The following TPST1 variants were observed in gnomAD, a reference collection of about 807,000 sequenced individuals.
TPST1 encodes the protein tyrosylprotein sulfotransferase 1.
A neutral mutation model predicts 34.8 loss-of-function variants in TPST1; 20 were observed. The observed-to-expected ratio is 0.57, with a 90% CI of 0.40 to 0.84. The LOEUF (loss-of-function observed/expected upper bound fraction) is 0.84, where lower values mean the gene tolerates loss of function less well. TPST1 is among the 40% of genes least tolerant of loss of function. TPST1 has a pLI of 0.00. For missense variants in TPST1, 353 were observed against 455.5 expected, an observed-to-expected ratio of 0.78 and a Z score of 2.05; for synonymous variants, 152 against 159.4, an observed-to-expected ratio of 0.95 and a Z score of 0.35.
chr7:66,222,062 A>C (rs984579320), intron 1 of TPST1, among the ~76,000 whole-genome samples: 2 of 152,192 alleles, frequency 1.3e-5, no homozygotes, highest in African/African-American at 4.8e-5. Context: ...TTTAAGAAAG[A>C]TATCACTAGT....
chr7:66,322,788 T>C (rs1243304831), intron 3 of TPST1, among the ~76,000 whole-genome samples: 6 of 152,212 alleles, frequency 3.9e-5, no homozygotes, highest in Non-Finnish European at 7.3e-5. Context: ...TTTTTTATTT[T>C]TTCAGGAAGC....
intron 1 of TPST1, among the ~76,000 whole-genome samples, chr7:66,212,616 G>C (rs12534500): frequency 0.66 from 100,707 of 151,658 alleles, 33,846 homozygotes; most frequent in African/African-American, 0.76. Context: ...CCCGCTACCA[G>C]GCCCAGCTAA....
intron 3 of TPST1, among the ~76,000 whole-genome samples, chr7:66,305,524 A>C (rs562601847): frequency 4.6e-5 from 7 of 151,972 alleles, no homozygotes; most frequent in Admixed American, 2.6e-4. Context: ...TTTTTTTCCC[A>C]TTGTGTATTT....
chr7:66,352,902 G>A (rs1172008318), intron 4 of TPST1: 1 of 985,400 alleles, frequency 1.0e-6, no homozygotes, highest in Non-Finnish European at 1.2e-6. Flanking sequence ...AATGTTCAGC[G>A]ACCCTCTCTG....
chr7:66,218,311 C>A (rs1789467726), intron 1 of TPST1, among the ~76,000 whole-genome samples: 1 of 152,052 alleles, frequency 6.6e-6, no homozygotes, highest in African/African-American at 2.4e-5. Context: ...TTTATCATGG[C>A]ATATATGGTT....
At chr7:66,278,100 C>CAAAAAAAAAA (rs35654351) in intron 2 of TPST1, among the ~76,000 whole-genome samples, 8 of 50,244 alleles carry the variant, frequency 1.6e-4, no homozygotes, top group East Asian at 1.7e-3. Flanking sequence ...GACTCCATCT[C>CAAAAAAAAAA]AAAAAAAAAA....
chr7:66,221,793 G>A (rs1049196045), intron 1 of TPST1, among the ~76,000 whole-genome samples: 2 of 152,118 alleles, frequency 1.3e-5, no homozygotes, highest in African/African-American at 2.4e-5. Flanking sequence ...ATTACTGTTA[G>A]TATTCTAACA....
intron 1 of TPST1, among the ~76,000 whole-genome samples, chr7:66,217,132 T>A (rs772452095): frequency 2.6e-5 from 4 of 152,226 alleles, no homozygotes; most frequent in Non-Finnish European, 4.4e-5. Context: ...CTAGAGAAAG[T>A]TCCATGTCAT....
At position 66,352,557 on chromosome 7, in the gene TPST1, T is replaced by A. The variant is rs751905377; in HGVS notation, c.1095+2T>A. 3.7e-5 allele frequency: 59 copies of A among 1,612,976 alleles called. No homozygotes were observed. Among genetic ancestry groups the A allele is most frequent in the African/African-American group, 5.3e-5 (4 of 74,794 alleles). On this transcript the variant is annotated splice_donor_variant, in intron 4 of 5. Coordinates refer to ENST00000304842, the MANE Select transcript of TPST1 (RefSeq NM_003596.4). LOFTEE classifies it high-confidence loss of function. Reference sequence around the variant, plus strand: ...GACTTTCTTAAAGAAAAACCACAGGTACTGTGTCTGCTTTTTCCTCCTGAT... The same window carrying A: ...GACTTTCTTAAAGAAAAACCACAGGAACTGTGTCTGCTTTTTCCTCCTGAT...
Position 66,360,217 on chromosome 7 carries a change from T to G in TPST1, c.*352T>G, listed in dbSNP as rs562611225. On this transcript the variant is annotated 3_prime_UTR_variant, in exon 6 of 6. Coordinates refer to ENST00000304842, the MANE Select transcript of TPST1 (RefSeq NM_003596.4). ...GAGAGGGTTTAAAAATGGGATCCTG[T>G]AAGCAGACTTGGGCAGTCTCCTTTT... 3.3e-6 allele frequency: 1 copy of G among 303,410 alleles called. No homozygotes were observed. Among genetic ancestry groups the G allele is most frequent in the East Asian group, 8.2e-5 (1 of 12,248 alleles). 18.8% of individuals were successfully genotyped at this position (303,410 alleles called of 1,614,324 possible). A position where few individuals can be genotyped will look rare whatever the true frequency, so the allele number is the denominator to read the frequency against.
chr7:66,342,104 A>G (rs1344731448), intron 3 of TPST1, among the ~76,000 whole-genome samples: 2 of 152,226 alleles, frequency 1.3e-5, no homozygotes, highest in Non-Finnish European at 2.9e-5. Flanking sequence ...CAAAATGACA[A>G]TATAAGAGTA....
Position 66,338,804 on chromosome 7 carries a change from G to A in TPST1, c.1045-13701G>A, listed in dbSNP as rs572277492. On this transcript the variant is annotated intron_variant, in intron 3 of 5. Coordinates refer to ENST00000304842, the MANE Select transcript of TPST1 (RefSeq NM_003596.4). ...AAAACCTATGGGATACAGCAAAAGCGGTTCTAAGAGGGAAGTGTATAGCAA... is the reference window on the plus strand; with the variant it reads ...AAAACCTATGGGATACAGCAAAAGCAGTTCTAAGAGGGAAGTGTATAGCAA... 1.6e-3 allele frequency among the ~76,000 whole-genome samples: 239 copies of A among 151,972 alleles called. 1 individual carries two copies. Among genetic ancestry groups the A allele is most frequent in the Non-Finnish European group, 2.5e-3 (171 of 67,942 alleles).
chr7:66,350,705 T>C (rs2116380747), intron 3 of TPST1, among the ~76,000 whole-genome samples: 1 of 152,336 alleles, frequency 6.6e-6, no homozygotes, highest in East Asian at 1.9e-4. Flanking sequence ...TCTGAAGGAC[T>C]ATCCAGTAAC....
intron 1 of TPST1, among the ~76,000 whole-genome samples, chr7:66,218,675 T>C (rs1380482873): frequency 6.6e-6 from 1 of 151,962 alleles, no homozygotes. Context: ...TGAAACCCCA[T>C]CTCTACTAAA....
At chr7:66,315,279 G>C (rs1268709485) in intron 3 of TPST1, among the ~76,000 whole-genome samples, 1 of 151,806 alleles carries the variant, frequency 6.6e-6, no homozygotes, top group South Asian at 2.1e-4. Context: ...CGGAGGCAAA[G>C]GGAGGGCACA....
Position 66,238,200 on chromosome 7 carries a change from G to T in TPST1, c.-101-2125G>T, listed in dbSNP as rs1371917116. On this transcript the variant is annotated intron_variant, in intron 1 of 5. Coordinates refer to ENST00000304842, the MANE Select transcript of TPST1 (RefSeq NM_003596.4). ...ATCTTATCTCCTGCTAAATCACGGA[G>T]ATTTGGAGAGTTCCTTCAGACCTCC... is the stretch of plus-strand genomic sequence containing the variant. Among the ~76,000 whole-genome samples the T allele has an allele frequency of 2.0e-5, 3 of 152,174 alleles. 1 individual carries two copies. The highest frequency in any genetic ancestry group is 4.4e-5 in the Non-Finnish European group (3 of 68,026).
chr7:66,307,332 A>T (rs1267228316), intron 3 of TPST1, among the ~76,000 whole-genome samples: 2 of 150,504 alleles, frequency 1.3e-5, no homozygotes, highest in African/African-American at 4.9e-5. Flanking sequence ...GTTAGCCAGG[A>T]TGGTCTCGAT....
intron 3 of TPST1, among the ~76,000 whole-genome samples, chr7:66,324,913 T>C (rs1161455471): frequency 6.6e-6 from 1 of 152,146 alleles, no homozygotes; most frequent in African/African-American, 2.4e-5. Context: ...ATTACTGGTT[T>C]TGAAAATGTA....
At chr7:66,225,538 G>T (rs1789637040) in intron 1 of TPST1, among the ~76,000 whole-genome samples, 1 of 152,122 alleles carries the variant, frequency 6.6e-6, no homozygotes, top group Non-Finnish European at 1.5e-5. Flanking sequence ...CTTGAACCCA[G>T]AAAGCAGAGG....
Sources: allele counts gnomAD v4.1 joint callset (sites outside exome capture counted in the v4.1 genomes callset), GRCh38; gene constraint gnomAD v4.1.1; transcripts MANE v1.5; gene names NCBI Gene and HGNC (gene_info 2026-07-23, HGNC 2026-07-21).